The following PSMD14 variants were observed in gnomAD, a reference collection of about 807,000 sequenced individuals.
PSMD14 encodes the protein proteasome 26S subunit, non-ATPase 14.
A neutral mutation model predicts 41.2 loss-of-function variants in PSMD14; 7 were observed. The ratio of observed to expected loss-of-function variants is 0.17; its 90% confidence interval spans 0.10 to 0.32. PSMD14 has a LOEUF of 0.32. Ranked by LOEUF, PSMD14 falls within the 10% of genes least tolerant of loss-of-function variation. The pLI is 1.00. For synonymous variants in PSMD14, 114 were observed against 122.3 expected (o/e 0.93, Z 0.45); for missense variants, 139 against 375.6 (o/e 0.37, Z 5.21).
intron 3 of PSMD14, among the ~76,000 whole-genome samples, chr2:161,345,314 C>T (rs1040389604): frequency 7.2e-6 from 1 of 139,200 alleles, no homozygotes; most frequent in Admixed American, 7.8e-5. Context: ...GTGATCTCAG[C>T]TCACTGCAAC....
At chr2:161,321,852 C>G (rs1259526214) in intron 3 of PSMD14, among the ~76,000 whole-genome samples, 1 of 152,196 alleles carries the variant, frequency 6.6e-6, no homozygotes, top group Non-Finnish European at 1.5e-5. Context: ...GCATGTCACC[C>G]TCCCTGCACA....
intron 8 of PSMD14, among the ~76,000 whole-genome samples, chr2:161,388,777 C>G (rs1683666503): frequency 6.6e-6 from 1 of 152,078 alleles, no homozygotes; most frequent in Admixed American, 6.6e-5. Flanking sequence ...TATCAGGAAC[C>G]CATGAATAGC....
At chr2:161,411,171 G>A (rs1684018351) in intron 11 of PSMD14, 131 bp from the exon 12 acceptor site, 1 of 531,182 alleles carries the variant, frequency 1.9e-6, no homozygotes. Context: ...TACTAGTAAA[G>A]TTAAATTGTA....
Position 161,349,813 on chromosome 2 carries a change from G to T in PSMD14, c.49-17665G>T, listed in dbSNP as rs143482601. Among the ~76,000 whole-genome samples, 157 of 152,256 alleles carry T rather than the reference G, an allele frequency of 1.0e-3. 1 individual carries two copies. Among genetic ancestry groups the T allele is most frequent in the African/African-American group, 3.7e-3 (152 of 41,552 alleles). The stretch of plus-strand genomic sequence containing the variant: ...TTGGAGAGACCAGCAGGGCTTGCAA[G>T]GTATGGTCTAAACTGTGAATGTTTT... On this transcript the variant is annotated intron_variant, in intron 3 of 11. Coordinates refer to ENST00000409682, the MANE Select transcript of PSMD14 (RefSeq NM_005805.6).
chr2:161,364,529 A>C (rs376640652), intron 3 of PSMD14, among the ~76,000 whole-genome samples: 2 of 151,336 alleles, frequency 1.3e-5, no homozygotes, highest in African/African-American at 2.4e-5. Context: ...CCCTCCCCTC[A>C]TATCAGCTGT....
At chr2:161,350,027 T>C (rs1683097109) in intron 3 of PSMD14, among the ~76,000 whole-genome samples, 1 of 152,228 alleles carries the variant, frequency 6.6e-6, no homozygotes, top group Non-Finnish European at 1.5e-5. Context: ...TTGGTGAGGG[T>C]ACTTAAGTCT....
intron 5 of PSMD14, among the ~76,000 whole-genome samples, chr2:161,369,445 C>A (rs926402685): frequency 2.0e-5 from 3 of 151,866 alleles, no homozygotes; most frequent in African/African-American, 4.8e-5. Flanking sequence ...AGATTGCATA[C>A]CCCTGTTCTT....
At chr2:161,343,485 C>T (rs11685006) in intron 3 of PSMD14, among the ~76,000 whole-genome samples, 2,893 of 152,270 alleles carry the variant, frequency 0.019, 46 homozygotes, top group Non-Finnish European at 0.032. Flanking sequence ...GGGTTGATTT[C>T]ACCTTTTGGC....
At chr2:161,392,477 C>G (rs1444419014) in intron 9 of PSMD14, among the ~76,000 whole-genome samples, 2 of 152,160 alleles carry the variant, frequency 1.3e-5, no homozygotes, top group Non-Finnish European at 2.9e-5. Context: ...TCAACCAGAT[C>G]ACATCCATTT....
intron 10 of PSMD14, among the ~76,000 whole-genome samples, chr2:161,402,183 C>T (rs759320914): frequency 2.0e-5 from 3 of 152,186 alleles, no homozygotes; most frequent in Non-Finnish European, 4.4e-5. Context: ...CTTGCATCTC[C>T]AGTCTTTCCC....
chr2:161,349,738 C>T (rs1683093138), intron 3 of PSMD14, among the ~76,000 whole-genome samples: 1 of 152,110 alleles, frequency 6.6e-6, no homozygotes, highest in South Asian at 2.1e-4. Flanking sequence ...GAGGTGTGCT[C>T]CTCAGAGGAG....
chr2:161,408,817 C>T lies in PSMD14; in HGVS notation c.772-20C>T, dbSNP rs777565932. The T allele has an allele frequency of 1.3e-6, 2 of 1,575,270 alleles. No homozygotes were observed. The highest frequency in any genetic ancestry group is 8.7e-7 in the Non-Finnish European group (1 of 1,148,478). ...GAGGATTTATAATTTTAAACTCTGT[C>T]CTTTGTGTTTCATTCACAGGCTGTA... On this transcript the variant is annotated intron_variant, in intron 10 of 11. Coordinates refer to ENST00000409682, the MANE Select transcript of PSMD14 (RefSeq NM_005805.6).
chr2:161,359,570 G>A (rs190537529), intron 3 of PSMD14, among the ~76,000 whole-genome samples: 77 of 152,128 alleles, frequency 5.1e-4, no homozygotes, highest in Non-Finnish European at 2.9e-4. Flanking sequence ...AGTGTATAGT[G>A]CATTTTGCTC....
intron 3 of PSMD14, among the ~76,000 whole-genome samples, chr2:161,348,122 C>A (rs1683069888): frequency 6.6e-6 from 1 of 152,204 alleles, no homozygotes. Flanking sequence ...TTGGCAGAAT[C>A]TGTTAACAAT....
intron 10 of PSMD14, 179 bp from the exon 11 acceptor site, chr2:161,408,658 T>C (rs1188465909): frequency 1.9e-6 from 1 of 522,444 alleles, no homozygotes; most frequent in Non-Finnish European, 3.5e-6. Flanking sequence ...ATGATGCTGA[T>C]AGTTTTTATT....
chr2:161,312,128 C>T (rs1038608155), intron 1 of PSMD14, among the ~76,000 whole-genome samples: 2 of 151,328 alleles, frequency 1.3e-5, no homozygotes, highest in Non-Finnish European at 2.9e-5. Flanking sequence ...AAGGATTGAG[C>T]ATCAGTCTGA....
chr2:161,378,385 C>T (rs558525104), intron 7 of PSMD14, among the ~76,000 whole-genome samples: 118 of 152,030 alleles, frequency 7.8e-4, no homozygotes, highest in Non-Finnish European at 1.5e-3. Context: ...ATATTGTTAA[C>T]AAGCTACTGA....
At chr2:161,376,763 C>A (rs938917721) in intron 7 of PSMD14, among the ~76,000 whole-genome samples, 21 of 151,844 alleles carry the variant, frequency 1.4e-4, no homozygotes, top group Admixed American at 3.9e-4. Context: ...TGTTGTCTTC[C>A]CCACAAGACT....
rs1193791834 is a variant in PSMD14 at position 161,355,338 on chromosome 2, T to A, written c.49-12140T>A. On this transcript the variant is annotated intron_variant, in intron 3 of 11. Transcript: ENST00000409682. ...TAATTCTTACTCTGATATTATGAGT[T>A]TTTACTAAAGTCAGTACTTTCAGGA... Among the ~76,000 whole-genome samples the A allele has an allele frequency of 2.0e-5, 3 of 152,120 alleles. No individual in the cohort carries two copies. The East Asian group carries it at 5.8e-4, about 29-fold the overall frequency.
Sources: allele counts gnomAD v4.1 joint callset (sites outside exome capture counted in the v4.1 genomes callset), GRCh38; gene constraint gnomAD v4.1.1; transcripts MANE v1.5; gene names NCBI Gene and HGNC (gene_info 2026-07-23, HGNC 2026-07-21).